KRTAP4-7: variants seen among roughly 807,000 people sequenced by gnomAD.
The protein encoded by KRTAP4-7 is putative keratin-associated protein 4-X.
In KRTAP4-7, 1 loss-of-function variant was observed where a neutral mutation model predicts 3.0. The ratio of observed to expected loss-of-function variants is 0.33; its 90% CI spans 0.12 to 1.57. The LOEUF (loss-of-function observed/expected upper bound fraction) is 1.57, where lower values mean the gene tolerates loss of function less well. KRTAP4-7 is among the 40% of genes most tolerant of loss of function. The probability of loss-of-function intolerance (pLI) is 0.37; values close to 1 mark genes in which losing one functional copy is unlikely to be tolerated. For synonymous variants in KRTAP4-7, 70 were observed against 74.6 expected, an observed-to-expected ratio of 0.94 and a Z score of 0.32; for missense variants, 199 against 209.1, an observed-to-expected ratio of 0.95 and a Z score of 0.30.
At position 41,084,640 on chromosome 17, in the gene KRTAP4-7, C is replaced by T. The variant is rs774297139; in HGVS notation, c.434C>T (p.Pro145Leu). Residue 145 changes from proline (P) to leucine (L), a missense_variant, in exon 1 of 1, where the codon CCC (proline) becomes CTC (leucine). Coordinates refer to ENST00000391417, the Ensembl canonical transcript of KRTAP4-7. ...CCAACCTGTGTCATCTCCACCTGTCCCCGCCCCTTGTGCTGTGCCTCCTCT... is the reference window on the plus strand; with the variant it reads ...CCAACCTGTGTCATCTCCACCTGTCTCCGCCCCTTGTGCTGTGCCTCCTCT... The T allele has an allele frequency of 6.7e-5, 107 of 1,600,094 alleles. No individual in the cohort carries two copies. Among genetic ancestry groups the T allele is most frequent in the Admixed American group, 1.4e-4 (8 of 57,918 alleles).
exon 1 of KRTAP4-7, chr17:41,084,797 T>G: frequency 1.4e-6 from 2 of 1,393,048 alleles, no homozygotes. Context: ...GACCTTATGC[T>G]TCCAAAGAGC....
exon 1 of KRTAP4-7, chr17:41,084,612 C>T (rs769561796): frequency 2.9e-5 from 47 of 1,599,882 alleles, no homozygotes; most frequent in South Asian, 1.3e-4. Flanking sequence ...CACTTGCTAT[C>T]GCCCAACCTG....
exon 1 of KRTAP4-7, chr17:41,085,093 C>G (rs1404283871): frequency 4.3e-6 from 1 of 232,022 alleles, no homozygotes; most frequent in Non-Finnish European, 9.1e-6. Context: ...GGGTGAATTT[C>G]TTATGCTTTG....
chr17:41,084,652 G>T, exon 1 of KRTAP4-7: 1 of 1,597,538 alleles, frequency 6.3e-7, no homozygotes, highest in Admixed American at 1.7e-5. Context: ...CGCCCCTTGT[G>T]CTGTGCCTCC....
At chr17:41,084,352 G>T in exon 1 of KRTAP4-7, 1 of 1,608,492 alleles carries the variant, frequency 6.2e-7, no homozygotes, top group Non-Finnish European at 8.5e-7. Flanking sequence ...GTGTCCAGCT[G>T]CTGCAGGCCC....
At chr17:41,084,747 T>C in exon 1 of KRTAP4-7, 3 of 1,501,982 alleles carry the variant, frequency 2.0e-6, no homozygotes, top group Non-Finnish European at 2.7e-6. Context: ...TGCTGACCAT[T>C]AGGATACATG....
At position 41,084,680 on chromosome 17, in the gene KRTAP4-7, C is replaced by T. The variant is rs551215607; in HGVS notation, c.*6C>T. On this transcript the variant is annotated 3_prime_UTR_variant, in exon 1 of 1. Transcript: ENST00000391417. ...GTGCCTCCTCTTGCTGCTGAGCCCA[C>T]TGCCCTGGCTCACGTCCCCCTTCAC... 3.8e-6 allele frequency: 6 copies of T among 1,582,246 alleles called. No homozygotes were observed. In the South Asian group the frequency reaches 6.9e-5, roughly 18 times the overall value.
chr17:41,084,549 T>G, exon 1 of KRTAP4-7: 2 of 1,507,900 alleles, frequency 1.3e-6, no homozygotes, highest in Non-Finnish European at 1.8e-6. Context: ...CCCCAGCTGC[T>G]GCCGCCCCTG....
At chr17:41,084,231 G>A (rs574104902) in exon 1 of KRTAP4-7, 30 of 1,610,684 alleles carry the variant, frequency 1.9e-5, no homozygotes, top group South Asian at 1.4e-4. Context: ...TTGTGGCTCC[G>A]TGTGCTCTGA....
chr17:41,084,764 G>T, exon 1 of KRTAP4-7: 2 of 1,476,824 alleles, frequency 1.4e-6, no homozygotes, highest in Non-Finnish European at 9.1e-7. Flanking sequence ...CATGAAGTGG[G>T]GTTGATGTCA....
exon 1 of KRTAP4-7, chr17:41,084,457 G>A (rs1411505860): frequency 6.6e-7 from 1 of 1,509,678 alleles, no homozygotes; most frequent in Non-Finnish European, 9.1e-7. Context: ...ATCTCCAGCT[G>A]CTGCCGCCCC....
At chr17:41,084,857 T>G (rs1259633000) in exon 1 of KRTAP4-7, 7 of 1,011,694 alleles carry the variant, frequency 6.9e-6, no homozygotes, top group Non-Finnish European at 9.9e-6. Flanking sequence ...CATTTTAAAC[T>G]CCCTCCTTTG....
chr17:41,084,944 C>G (rs1275188994), exon 1 of KRTAP4-7: 1 of 604,676 alleles, frequency 1.7e-6, no homozygotes, highest in Admixed American at 3.4e-5. Flanking sequence ...TTCCAATCTT[C>G]TGATTTCCTT....
At chr17:41,084,946 G>T in exon 1 of KRTAP4-7, 1 of 600,632 alleles carries the variant, frequency 1.7e-6, no homozygotes, top group African/African-American at 1.9e-5. Context: ...CCAATCTTCT[G>T]ATTTCCTTAT....
At position 41,084,693 on chromosome 17, in the gene KRTAP4-7, C is replaced by G. The variant is rs749062004; in HGVS notation, c.*19C>G. The stretch of plus-strand genomic sequence containing the variant: ...CTGCTGAGCCCACTGCCCTGGCTCA[C>G]GTCCCCCTTCACCACTGGCCCACAG... On this transcript the variant is annotated 3_prime_UTR_variant, in exon 1 of 1. Transcript: ENST00000391417. 13 of 1,567,766 alleles carry G rather than the reference C, an allele frequency of 8.3e-6. No homozygotes were observed. In the Admixed American group the frequency reaches 1.9e-4, roughly 23 times the overall value.
chr17:41,084,403 G>T (rs555143573), exon 1 of KRTAP4-7: 48 of 1,418,674 alleles, frequency 3.4e-5, no homozygotes, highest in Non-Finnish European at 4.6e-5. Context: ...ACCTGCTGTC[G>T]CCCCACCTGC....
At chr17:41,084,912 T>C (rs2013623617) in exon 1 of KRTAP4-7, 1 of 644,178 alleles carries the variant, frequency 1.6e-6, no homozygotes, top group Non-Finnish European at 2.7e-6. Flanking sequence ...AATTAATTTG[T>C]AATACACTAG....
At chr17:41,084,787 G>T (rs1476352206) in exon 1 of KRTAP4-7, 16 of 1,428,732 alleles carry the variant, frequency 1.1e-5, no homozygotes, top group Non-Finnish European at 1.4e-5. Context: ...CAATAGGATG[G>T]ACCTTATGCT....
exon 1 of KRTAP4-7, chr17:41,084,658 C>A: frequency 1.3e-6 from 2 of 1,595,260 alleles, no homozygotes; most frequent in South Asian, 1.1e-5. Flanking sequence ...TTGTGCTGTG[C>A]CTCCTCTTGC....
Sources: gnomAD v4.1 joint callset for allele counts on GRCh38, gnomAD v4.1.1 for gene constraint, MANE v1.5 for transcripts, NCBI Gene and HGNC (gene_info 2026-07-23, HGNC 2026-07-21) for gene names.